The following RASA1 variants were observed in gnomAD, a reference collection of about 807,000 sequenced individuals.
RASA1 encodes ras GTPase-activating protein 1.
Under a neutral mutation model 132.2 loss-of-function variants are expected in RASA1, and 25 were observed. The ratio of observed to expected loss-of-function variants is 0.19; its 90% CI spans 0.14 to 0.26. RASA1 has a LOEUF of 0.26. Ranked by LOEUF, RASA1 falls within the 10% of genes least tolerant of loss-of-function variation. The probability of loss-of-function intolerance (pLI) is 1.00; values close to 1 mark genes in which losing one functional copy is unlikely to be tolerated. For synonymous variants in RASA1, 477 were observed against 449.9 expected, an observed-to-expected ratio of 1.06 and a Z score of -0.76; for missense variants, 964 against 1,299.2, an observed-to-expected ratio of 0.74 and a Z score of 3.97.
At chr5:87,359,517 A>C (rs1759914275) in intron 9 of RASA1, among the ~76,000 whole-genome samples, 2 of 152,182 alleles carry the variant, frequency 1.3e-5, no homozygotes, top group Non-Finnish European at 2.9e-5. Context: ...ATAGATTCCA[A>C]GATCTATATA....
At chr5:87,317,707 C>T (rs1353895715) in intron 1 of RASA1, among the ~76,000 whole-genome samples, 1 of 151,622 alleles carries the variant, frequency 6.6e-6, no homozygotes, top group African/African-American at 2.4e-5. Context: ...ACGATCTCAG[C>T]TCACTGCAGC....
intron 5 of RASA1, among the ~76,000 whole-genome samples, 168 bp from the exon 6 acceptor site, chr5:87,341,122 A>C (rs1253398361): frequency 6.6e-6 from 1 of 152,122 alleles, no homozygotes; most frequent in Non-Finnish European, 1.5e-5. Flanking sequence ...ACAAGAAAAG[A>C]TTAAGAGAGG....
At chr5:87,331,802 T>C (rs1042980227) in intron 2 of RASA1, among the ~76,000 whole-genome samples, 6 of 152,278 alleles carry the variant, frequency 3.9e-5, no homozygotes, top group Admixed American at 3.9e-4. Context: ...AATTGTATAC[T>C]TTTAGACTGC....
chr5:87,377,247 T>C, intron 17 of RASA1: 1 of 641,940 alleles, frequency 1.6e-6, no homozygotes, highest in African/African-American at 1.8e-5. Flanking sequence ...ATGTAGGTTT[T>C]GGCAGATAAG....
intron 1 of RASA1, among the ~76,000 whole-genome samples, chr5:87,286,911 A>G (rs974318901): frequency 6.7e-6 from 1 of 149,060 alleles, no homozygotes; most frequent in Non-Finnish European, 1.5e-5. Flanking sequence ...ATATATAAGG[A>G]ACACCATATA....
chr5:87,288,034 T>TACC (rs1754748182), intron 1 of RASA1, among the ~76,000 whole-genome samples: 1 of 6,474 alleles, frequency 1.5e-4, no homozygotes, highest in African/African-American at 6.1e-4. Flanking sequence ...ACCATATATA[T>TACC]ATACCATATA....
At chr5:87,358,849 G>GT (rs1320183626) in intron 9 of RASA1, among the ~76,000 whole-genome samples, 3 of 152,070 alleles carry the variant, frequency 2.0e-5, no homozygotes, top group Non-Finnish European at 4.4e-5. Flanking sequence ...GATCTTTGCT[G>GT]TAGCTGTTCA....
At chr5:87,379,937 T>C (rs1761593094) in intron 19 of RASA1, 87 bp downstream of exon 19, 11 of 1,305,254 alleles carry the variant, frequency 8.4e-6, no homozygotes, top group Non-Finnish European at 1.1e-5. Flanking sequence ...GCTTTTCTGT[T>C]GTCCTAATAT....
In RASA1 at chr5:87,356,151, C is replaced by T. The variant is rs540605470; in HGVS notation, c.1332+2916C>T. ...GCAAGAGGGTTTGGGAGGAATGCTT[C>T]CAGTTTTGAAAGAAGTTCAACTGTG... On this transcript the variant is annotated intron_variant, in intron 9 of 24. Transcript: ENST00000274376. Among the ~76,000 whole-genome samples, 28 of 152,228 alleles carry T rather than the reference C, an allele frequency of 1.8e-4. No homozygotes were observed. The South Asian group carries it at 5.4e-3, about 29-fold the overall frequency.
chr5:87,337,373 C>T (rs1307997355), intron 4 of RASA1, among the ~76,000 whole-genome samples: 3 of 151,966 alleles, frequency 2.0e-5, no homozygotes, highest in Non-Finnish European at 4.4e-5. Flanking sequence ...TTGGTACCTA[C>T]CACTTTCAGA....
Position 87,299,149 on chromosome 5 carries a change from A to G in RASA1, c.539+30159A>G, listed in dbSNP as rs189001509. Among the ~76,000 whole-genome samples the G allele has an allele frequency of 2.0e-5, 3 of 152,354 alleles. No individual in the cohort carries two copies. The East Asian group carries it at 5.8e-4, about 29-fold the overall frequency. On this transcript the variant is annotated intron_variant, in intron 1 of 24. Transcript: ENST00000274376. ...CATAAATACAGGAGTCCTATGAGTC[A>G]TTAATATACTAAACAAACTTTCTTG...
intron 1 of RASA1, among the ~76,000 whole-genome samples, chr5:87,269,936 T>C (rs1257874117): frequency 6.6e-6 from 1 of 152,088 alleles, no homozygotes; most frequent in Non-Finnish European, 1.5e-5. Flanking sequence ...TAACCCTTAA[T>C]TGACCCTTAG....
chr5:87,268,518 G>C lies in RASA1; in HGVS notation c.67G>C (p.Ala23Pro). The change falls in exon 1 of 25, where the codon GCG (alanine) becomes CCG (proline). Residue 23 changes from alanine (A) to proline (P), a missense_variant. This residue lies in a region of RASA1 where 326 missense variants were observed against 275.8 expected (regional missense o/e 1.18). Transcript: ENST00000274376. ...AACAGCCGGAGCTGGAGGAGGCGGC[G>C]CGGCAGCGGGCTCCAGTGCCTATCC... ...PVTAGAGGGG[A>P]AAGSSAYPAV... 6.3e-7 allele frequency: 1 copy of C among 1,579,466 alleles called. No individual in the cohort carries two copies. The highest frequency in any genetic ancestry group is 8.6e-7 in the Non-Finnish European group (1 of 1,164,032).
chr5:87,363,612 A>G (rs1760278642), intron 11 of RASA1, 108 bp downstream of exon 11: 1 of 1,266,158 alleles, frequency 7.9e-7, no homozygotes, highest in East Asian at 2.4e-5. Flanking sequence ...TAAAAGTAGC[A>G]GATGCACTTT....
intron 11 of RASA1, among the ~76,000 whole-genome samples, chr5:87,366,133 G>A (rs1049229976): frequency 1.6e-4 from 24 of 152,086 alleles, no homozygotes; most frequent in East Asian, 1.2e-3. Flanking sequence ...AGTAAACTTC[G>A]TCAAATTATA....
chr5:87,385,028 A>C (rs916879598), intron 21 of RASA1, among the ~76,000 whole-genome samples: 1 of 151,998 alleles, frequency 6.6e-6, no homozygotes, highest in Non-Finnish European at 1.5e-5. Context: ...AATAGTATCA[A>C]CCGTTGGAAA....
At chr5:87,386,702 A>T (rs914209127) in intron 22 of RASA1, 124 bp from the exon 23 acceptor site, 4 of 776,846 alleles carry the variant, frequency 5.1e-6, no homozygotes, top group Middle Eastern at 3.4e-4. Context: ...GGGTTTTGCT[A>T]TATTAATTTG....
intron 18 of RASA1, among the ~76,000 whole-genome samples, 198 bp downstream of exon 18, chr5:87,378,736 A>C (rs1761497849): frequency 6.6e-6 from 1 of 152,194 alleles, no homozygotes; most frequent in African/African-American, 2.4e-5. Context: ...TTATTTTGGG[A>C]TTAAAAACCA....
chr5:87,269,831 A>G (rs1305942306), intron 1 of RASA1, among the ~76,000 whole-genome samples: 1 of 152,184 alleles, frequency 6.6e-6, no homozygotes, highest in African/African-American at 2.4e-5. Context: ...CACTTGTCTT[A>G]ATTGAACTTA....
Sources: gnomAD v4.1 joint callset for allele counts (sites outside exome capture counted in the v4.1 genomes callset) on GRCh38, gnomAD v4.1.1 for gene constraint, gnomAD v4.1.1 regional missense constraint, MANE v1.5 for transcripts, NCBI Gene and HGNC (gene_info 2026-07-23, HGNC 2026-07-21) for gene names.